Variants in SH3GL2 observed in about 807,000 individuals in gnomAD.
SH3GL2 encodes endophilin-A1.
Under a neutral mutation model 46.0 loss-of-function variants are expected in SH3GL2, and 24 were observed. That is an observed-to-expected ratio of 0.52 (90% CI 0.38 to 0.73). SH3GL2 has a LOEUF of 0.73. Among genes scored for constraint, SH3GL2 ranks in the 30% least tolerant of loss-of-function variants. SH3GL2 has a pLI of 0.00. For missense variants in SH3GL2, 413 were observed against 424.2 expected, an observed-to-expected ratio of 0.97 and a Z score of 0.23; for synonymous variants, 196 against 147.1, an observed-to-expected ratio of 1.33 and a Z score of -2.40.
At chr9:17,701,971 A>G (rs1381553076) in intron 1 of SH3GL2, among the ~76,000 whole-genome samples, 1 of 152,088 alleles carries the variant, frequency 6.6e-6, no homozygotes, top group East Asian at 1.9e-4. Flanking sequence ...GAAAAATAGT[A>G]AAGTATAGCC....
chr9:17,637,095 A>T (rs1355620429), intron 1 of SH3GL2, among the ~76,000 whole-genome samples: 1 of 152,206 alleles, frequency 6.6e-6, no homozygotes, highest in African/African-American at 2.4e-5. Flanking sequence ...GTCTGAGAAG[A>T]ACTGAAGTTG....
At chr9:17,680,636 C>G (rs549171143) in intron 1 of SH3GL2, among the ~76,000 whole-genome samples, 1 of 152,078 alleles carries the variant, frequency 6.6e-6, no homozygotes, top group South Asian at 2.1e-4. Context: ...TCCTTCAGTT[C>G]TTCTCTGATC....
At chr9:17,644,688 CTGTT>C (rs1408263634) in intron 1 of SH3GL2, among the ~76,000 whole-genome samples, 8 of 152,072 alleles carry the variant, frequency 5.3e-5, no homozygotes, top group African/African-American at 1.4e-4. Flanking sequence ...GCTTGAGAAA[CTGTT>C]TGTTATGATT....
chr9:17,776,199 C>A (rs1022186262), intron 3 of SH3GL2, among the ~76,000 whole-genome samples: 3 of 152,082 alleles, frequency 2.0e-5, no homozygotes, highest in Non-Finnish European at 2.9e-5. Context: ...CATGTACGTT[C>A]CACAGAGTCT....
chr9:17,641,203 A>G (rs1231610905), intron 1 of SH3GL2, among the ~76,000 whole-genome samples: 1 of 152,134 alleles, frequency 6.6e-6, no homozygotes, highest in African/African-American at 2.4e-5. Flanking sequence ...TCTATCTCCT[A>G]GTAGTGTTTC....
chr9:17,650,938 T>A (rs1819940279), intron 1 of SH3GL2, among the ~76,000 whole-genome samples: 1 of 152,196 alleles, frequency 6.6e-6, no homozygotes, highest in Admixed American at 6.5e-5. Context: ...GGCTGAATTC[T>A]GGCACCATTT....
intron 1 of SH3GL2, among the ~76,000 whole-genome samples, chr9:17,633,476 T>C (rs1261800871): frequency 6.6e-6 from 1 of 152,242 alleles, no homozygotes; most frequent in African/African-American, 2.4e-5. Flanking sequence ...GTGTCCTAAA[T>C]GTTTTGCATA....
intron 1 of SH3GL2, among the ~76,000 whole-genome samples, chr9:17,689,610 C>G (rs1821020132): frequency 6.6e-6 from 1 of 151,236 alleles, no homozygotes; most frequent in South Asian, 2.1e-4. Context: ...TCCTCCTTAG[C>G]ACTGTCCCTG....
At chr9:17,779,197 A>C (rs1823729972) in intron 3 of SH3GL2, among the ~76,000 whole-genome samples, 1 of 152,186 alleles carries the variant, frequency 6.6e-6, no homozygotes, top group South Asian at 2.1e-4. Flanking sequence ...GGATAGTCCA[A>C]ATCATCAAGA....
At position 17,642,177 on chromosome 9, in the gene SH3GL2, A is replaced by G. The variant is rs140574859; in HGVS notation, c.45+62890A>G. Among the ~76,000 whole-genome samples the G allele has an allele frequency of 1.7e-3, 252 of 152,162 alleles. 1 individual carries two copies. Among genetic ancestry groups the G allele is most frequent in the African/African-American group, 4.8e-3 (200 of 41,516 alleles). On this transcript the variant is annotated intron_variant, in intron 1 of 8. Coordinates refer to ENST00000380607, the MANE Select transcript of SH3GL2 (RefSeq NM_003026.5). ...GGCTTCTCTTGAAAAGTGTCTGTTC[A>G]TATCCTTTGCCCATGTTTCTATGGG... is the stretch of plus-strand genomic sequence containing the variant.
chr9:17,761,664 A>C (rs755028504), intron 3 of SH3GL2, 155 bp downstream of exon 3: 2 of 722,246 alleles, frequency 2.8e-6, no homozygotes, highest in East Asian at 5.0e-5. Flanking sequence ...GCACATTTTA[A>C]CTGGGGAGAA....
chr9:17,600,062 C>G (rs750553871), intron 1 of SH3GL2, among the ~76,000 whole-genome samples: 6 of 151,910 alleles, frequency 3.9e-5, no homozygotes, highest in Non-Finnish European at 7.4e-5. Flanking sequence ...GCTCTTCCTG[C>G]GTTTGGCTTT....
intron 2 of SH3GL2, among the ~76,000 whole-genome samples, chr9:17,757,829 A>G (rs977365134): frequency 2.0e-5 from 3 of 152,202 alleles, no homozygotes; most frequent in Non-Finnish European, 4.4e-5. Flanking sequence ...TACTAAGAGA[A>G]TATGTACTTG....
rs574604406 is a variant in SH3GL2 at position 17,674,279 on chromosome 9, T to G, written c.46-72787T>G. ...TGTGTGATTTTATTTATTTATTTATTTTTTTAAGACGGAGTCTCTCTCTGT... is the reference window on the plus strand; with the variant it reads ...TGTGTGATTTTATTTATTTATTTATGTTTTTAAGACGGAGTCTCTCTCTGT... On this transcript the variant is annotated intron_variant, in intron 1 of 8. Coordinates refer to ENST00000380607, the MANE Select transcript of SH3GL2 (RefSeq NM_003026.5). Among the ~76,000 whole-genome samples the G allele has an allele frequency of 5.3e-5, 8 of 152,284 alleles. No individual in the cohort carries two copies. The South Asian group carries it at 1.7e-3, about 32-fold the overall frequency.
chr9:17,791,489 T>C (rs933092300), intron 7 of SH3GL2, among the ~76,000 whole-genome samples, 155 bp downstream of exon 7: 2 of 152,236 alleles, frequency 1.3e-5, no homozygotes, highest in Non-Finnish European at 2.9e-5. Context: ...GATTTTGTTT[T>C]TTCTTGTGCT....
At chr9:17,710,193 G>C (rs879862159) in intron 1 of SH3GL2, among the ~76,000 whole-genome samples, 58 of 151,980 alleles carry the variant, frequency 3.8e-4, no homozygotes, top group Non-Finnish European at 7.4e-4. Flanking sequence ...TTTAAAAAGA[G>C]GCTTTCCTCC....
intron 3 of SH3GL2, among the ~76,000 whole-genome samples, chr9:17,778,760 T>G (rs536896009): frequency 1.6e-4 from 24 of 152,110 alleles, no homozygotes; most frequent in Non-Finnish European, 2.8e-4. Flanking sequence ...ATCCTAGATG[T>G]GTTTTGAATG....
intron 3 of SH3GL2, among the ~76,000 whole-genome samples, chr9:17,778,744 A>G (rs540330727): frequency 6.6e-6 from 1 of 152,248 alleles, no homozygotes; most frequent in Non-Finnish European, 1.5e-5. Context: ...AGTGAGAAAC[A>G]GTCTGATCCT....
At chr9:17,749,106 C>T (rs1822772631) in intron 2 of SH3GL2, among the ~76,000 whole-genome samples, 1 of 152,304 alleles carries the variant, frequency 6.6e-6, no homozygotes, top group Non-Finnish European at 1.5e-5. Context: ...GAAAACCAGA[C>T]TCTTACAGCT....
Sources: allele counts gnomAD v4.1 joint callset (sites outside exome capture counted in the v4.1 genomes callset), GRCh38; gene constraint gnomAD v4.1.1; transcripts MANE v1.5; gene names NCBI Gene and HGNC (gene_info 2026-07-23, HGNC 2026-07-21).